Variants in FBN1 observed in about 807,000 individuals in gnomAD.
FBN1 encodes the protein fibrillin-1.
Under a neutral mutation model 365.1 loss-of-function variants are expected in FBN1, and 29 were observed. The observed-to-expected ratio is 0.08, with a 90% CI of 0.06 to 0.11. The LOEUF is 0.11. Among genes scored for constraint, FBN1 ranks in the 10% least tolerant of loss-of-function variants. The pLI, the probability that FBN1 is intolerant of heterozygous loss-of-function variation, is 1.00. For synonymous variants in FBN1, 1,210 were observed against 1,270.5 expected, an observed-to-expected ratio of 0.95 and a Z score of 1.01; for missense variants, 2,476 against 3,703.2, an observed-to-expected ratio of 0.67 and a Z score of 8.60.
At chr15:48,612,445 C>T (rs1215476372) in intron 3 of FBN1, among the ~76,000 whole-genome samples, 1 of 152,224 alleles carries the variant, frequency 6.6e-6, no homozygotes, top group Non-Finnish European at 1.5e-5. Flanking sequence ...CCTTGTCTGG[C>T]ATGCGATTTG....
chr15:48,523,722 G>A (rs557711086), intron 9 of FBN1, among the ~76,000 whole-genome samples: 2 of 147,410 alleles, frequency 1.4e-5, no homozygotes, highest in Non-Finnish European at 3.0e-5. Context: ...GGGGGGGGGG[G>A]GAACCGTTGT....
Position 48,410,973 on chromosome 15 carries a change from G to C in FBN1, c.*17C>G, listed in dbSNP as rs1477295183. 2.5e-6 allele frequency: 4 copies of C among 1,609,306 alleles called. No homozygotes were observed. Among genetic ancestry groups the C allele is most frequent in the Non-Finnish European group, 3.4e-6 (4 of 1,177,482 alleles). On this transcript the variant is annotated 3_prime_UTR_variant, in exon 66 of 66. Coordinates refer to ENST00000316623, the MANE Select transcript of FBN1 (RefSeq NM_000138.5). ...ATATTTGTTTTTCTTTTAATTATTT[G>C]GTCTCTGGATGGTGAATTAATGAAG...
chr15:48,639,085 G>A (rs1022416197), intron 2 of FBN1, among the ~76,000 whole-genome samples: 1 of 152,210 alleles, frequency 6.6e-6, no homozygotes, highest in African/African-American at 2.4e-5. Context: ...GAACTAGCAT[G>A]AAAGAATATT....
intron 4 of FBN1, among the ~76,000 whole-genome samples, chr15:48,604,133 C>T (rs958949848): frequency 5.4e-5 from 8 of 148,208 alleles, no homozygotes; most frequent in African/African-American, 2.1e-4. Context: ...TGTGAGCACG[C>T]TATGGGAATG....
At chr15:48,570,896 G>C (rs1566929358) in intron 6 of FBN1, among the ~76,000 whole-genome samples, 1 of 152,216 alleles carries the variant, frequency 6.6e-6, no homozygotes, top group Non-Finnish European at 1.5e-5. Flanking sequence ...GATTGGAAGG[G>C]ATTCTGCCTG....
chr15:48,581,819 A>G (rs1374405687), intron 6 of FBN1, among the ~76,000 whole-genome samples: 1 of 152,198 alleles, frequency 6.6e-6, no homozygotes. Flanking sequence ...AAAGCAAGCA[A>G]ATACATGTTG....
rs993464239 is a variant in FBN1, at chr15:48,446,741, T to G, written c.5753A>C (p.His1918Pro). The change falls in exon 47 of 66, where the codon CAT becomes CCT. Residue 1918 changes from histidine (H) to proline (P), a missense_variant. Transcript: ENST00000316623. ...ATTGTTGTGAGAAAGGATGAAACCA[T>G]GATTGCAGCGGCAGTTGAAGGAACC... ...TIGSFNCRCN[H>P]GFILSHNNDC... is the part of the protein sequence containing the mutation. The G allele has an allele frequency of 6.2e-7, 1 of 1,613,184 alleles. No individual in the cohort carries two copies. Among genetic ancestry groups the G allele is most frequent in the African/African-American group, 1.3e-5 (1 of 74,882 alleles).
intron 2 of FBN1, among the ~76,000 whole-genome samples, chr15:48,638,247 C>T (rs977156478): frequency 6.6e-6 from 1 of 152,146 alleles, no homozygotes; most frequent in African/African-American, 2.4e-5. Flanking sequence ...CCCATTCCCA[C>T]AATGATGCTT....
At chr15:48,487,034 G>C in intron 29 of FBN1, 41 bp downstream of exon 29, 1 of 1,280,432 alleles carries the variant, frequency 7.8e-7, no homozygotes, top group Non-Finnish European at 1.0e-6. Context: ...ATAAAATAAA[G>C]TAAAATAAAA....
chr15:48,622,044 T>C (rs1208444761), intron 2 of FBN1, among the ~76,000 whole-genome samples: 2 of 151,424 alleles, frequency 1.3e-5, no homozygotes, highest in Non-Finnish European at 1.5e-5. Context: ...ACAAAAAATA[T>C]ACCACGCTAG....
chr15:48,617,122 C>G (rs1034044495), intron 2 of FBN1, among the ~76,000 whole-genome samples: 1 of 152,030 alleles, frequency 6.6e-6, no homozygotes, highest in African/African-American at 2.4e-5. Context: ...ACAGAATGTC[C>G]ATCAATAGAC....
intron 2 of FBN1, among the ~76,000 whole-genome samples, chr15:48,617,017 C>T (rs557793735): frequency 5.9e-5 from 9 of 152,110 alleles, no homozygotes; most frequent in East Asian, 5.8e-4. Context: ...TTCTAGAGTA[C>T]GCTCTCCTAA....
intron 17 of FBN1, 31 bp from the exon 18 acceptor site, chr15:48,499,069 C>G: frequency 1.2e-6 from 2 of 1,610,946 alleles, no homozygotes; most frequent in African/African-American, 2.7e-5. Context: ...GTAAATGATT[C>G]CCTTGTTTGC....
chr15:48,445,191 T>C (rs1403962943), intron 48 of FBN1, among the ~76,000 whole-genome samples, 185 bp downstream of exon 48: 1 of 140,146 alleles, frequency 7.1e-6, no homozygotes, highest in Non-Finnish European at 1.5e-5. Flanking sequence ...TATGTATATA[T>C]ATATACATAT....
chr15:48,645,263 G>C (rs143821539), intron 1 of FBN1, among the ~76,000 whole-genome samples: 2 of 152,136 alleles, frequency 1.3e-5, no homozygotes, highest in African/African-American at 2.4e-5. Context: ...AATTGCGCGC[G>C]ATGCGCGCTC....
At chr15:48,570,958 T>G (rs1186941857) in intron 6 of FBN1, among the ~76,000 whole-genome samples, 1 of 152,142 alleles carries the variant, frequency 6.6e-6, no homozygotes, top group Non-Finnish European at 1.5e-5. Flanking sequence ...GAAAATGGTC[T>G]GTTGACTAAT....
rs1478379763 is a variant in FBN1, at chr15:48,534,076, T to C, written c.862+4A>G. On this transcript the variant is annotated splice_donor_region_variant and intron_variant, in intron 8 of 65. Coordinates refer to ENST00000316623, the MANE Select transcript of FBN1 (RefSeq NM_000138.5). ...CCCCAACTGCAAAGCATAAGATTTC[T>C]TACCTTCACATTTTTGTGACACTTC... 2.5e-6 allele frequency: 4 copies of C among 1,613,522 alleles called. No individual in the cohort carries two copies. The highest frequency in any genetic ancestry group is 3.4e-6 in the Non-Finnish European group (4 of 1,179,630).
intron 3 of FBN1, among the ~76,000 whole-genome samples, chr15:48,612,759 T>C (rs185842655): frequency 3.3e-5 from 5 of 152,196 alleles, no homozygotes; most frequent in African/African-American, 1.2e-4. Flanking sequence ...AATTAGATAG[T>C]CTGTGTAGCC....
intron 2 of FBN1, among the ~76,000 whole-genome samples, chr15:48,636,132 G>C (rs1220807910): frequency 6.6e-6 from 1 of 152,170 alleles, no homozygotes; most frequent in Admixed American, 6.5e-5. Context: ...CTTCAATCTG[G>C]ATGAGGCCTA....
Sources: gnomAD v4.1 joint callset for allele counts (sites outside exome capture counted in the v4.1 genomes callset) on GRCh38, gnomAD v4.1.1 for gene constraint, MANE v1.5 for transcripts, NCBI Gene and HGNC (gene_info 2026-07-23, HGNC 2026-07-21) for gene names.